The following PDGFC variants were observed in gnomAD, a reference collection of about 807,000 sequenced individuals.
The protein encoded by PDGFC is platelet-derived growth factor C.
In PDGFC, 12 loss-of-function variants were observed where a neutral mutation model predicts 35.5. The ratio of observed to expected loss-of-function variants is 0.34; its 90% CI spans 0.22 to 0.55. The LOEUF is 0.55. Among genes scored for constraint, PDGFC ranks in the 20% least tolerant of loss-of-function variants. The pLI, the probability that PDGFC is intolerant of heterozygous loss-of-function variation, is 0.91. For synonymous variants in PDGFC, 159 were observed against 148.8 expected (o/e 1.07, Z -0.50); for missense variants, 322 against 412.4 (o/e 0.78, Z 1.90).
chr4:156,797,143 C>G (rs1485713424), intron 3 of PDGFC, among the ~76,000 whole-genome samples: 1 of 150,798 alleles, frequency 6.6e-6, no homozygotes. Context: ...GAGGCTGAGG[C>G]AGGAGAATGG....
intron 3 of PDGFC, among the ~76,000 whole-genome samples, chr4:156,782,002 G>A (rs1730992870): frequency 6.6e-6 from 1 of 152,142 alleles, no homozygotes; most frequent in Non-Finnish European, 1.5e-5. Context: ...ACATGGAGTG[G>A]CATGACCTCA....
chr4:156,970,597 G>A (rs1159666018), intron 1 of PDGFC, among the ~76,000 whole-genome samples, 189 bp downstream of exon 1: 1 of 152,206 alleles, frequency 6.6e-6, no homozygotes, highest in East Asian at 1.9e-4. Context: ...GAGCTTTGTG[G>A]CAGCTCCCGA....
intron 3 of PDGFC, among the ~76,000 whole-genome samples, chr4:156,800,302 C>T (rs1353436257): frequency 6.6e-6 from 1 of 152,078 alleles, no homozygotes; most frequent in Non-Finnish European, 1.5e-5. Context: ...ATGAGCCTTT[C>T]AAAATTAACA....
rs201558373 is a variant in PDGFC at position 156,810,803 on chromosome 4, C to A, written c.495+34G>T. 3.9e-5 allele frequency: 52 copies of A among 1,316,956 alleles called. No individual in the cohort carries two copies. In the African/African-American group the frequency reaches 6.4e-4, roughly 16 times the overall value. 81.6% of individuals were successfully genotyped at this position (1,316,956 alleles called of 1,614,324 possible). A position where few individuals can be genotyped will look rare whatever the true frequency, so the allele number is the denominator to read the frequency against. ...AATAAAAAGAAACAAAAAGCTGATC[C>A]AATTAAATAAGGGGATCTGAAAGTG... On this transcript the variant is annotated intron_variant, in intron 3 of 5. Transcript: ENST00000502773.
chr4:156,940,355 GGTTATGAAAT>G (rs1731776702), intron 1 of PDGFC, among the ~76,000 whole-genome samples: 1 of 151,910 alleles, frequency 6.6e-6, no homozygotes, highest in African/African-American at 2.4e-5. Flanking sequence ...CCTAAATATA[GGTTATGAAAT>G]ATATATTCAA....
At chr4:156,861,947 A>G (rs1423220609) in intron 1 of PDGFC, among the ~76,000 whole-genome samples, 2 of 152,142 alleles carry the variant, frequency 1.3e-5, no homozygotes, top group Non-Finnish European at 1.5e-5. Flanking sequence ...TACATATTTA[A>G]AAGTTCCATA....
At chr4:156,932,295 G>T (rs937270161) in intron 1 of PDGFC, among the ~76,000 whole-genome samples, 53 of 152,196 alleles carry the variant, frequency 3.5e-4, no homozygotes, top group African/African-American at 1.3e-3. Context: ...CTCTGTTTGT[G>T]TTCAAAGAGT....
At chr4:156,765,088 C>T (rs886195535) in intron 5 of PDGFC, among the ~76,000 whole-genome samples, 2 of 152,148 alleles carry the variant, frequency 1.3e-5, no homozygotes, top group African/African-American at 4.8e-5. Flanking sequence ...TCTGCTGATG[C>T]TCATGGAGAT....
At chr4:156,788,466 CTT>C (rs769981892) in intron 3 of PDGFC, among the ~76,000 whole-genome samples, 3 of 152,150 alleles carry the variant, frequency 2.0e-5, no homozygotes, top group Non-Finnish European at 4.4e-5. Context: ...GTATCAGAAA[CTT>C]AGCAGGGCCA....
chr4:156,915,560 A>T (rs562566540), intron 1 of PDGFC, among the ~76,000 whole-genome samples: 7 of 152,308 alleles, frequency 4.6e-5, no homozygotes, highest in Middle Eastern at 3.4e-3. Flanking sequence ...TGGGAGGCCA[A>T]AACAGGCTGA....
In PDGFC at chr4:156,889,798, T is replaced by C. The variant is rs748194698; in HGVS notation, c.119-39382A>G. ...AATCTCCAACAGCAGCCAACTGGTT[T>C]CCTCCATGAATGGAATCTAGTGCAT... On this transcript the variant is annotated intron_variant, in intron 1 of 5. Coordinates refer to ENST00000502773, the MANE Select transcript of PDGFC (RefSeq NM_016205.3). Among the ~76,000 whole-genome samples, 5 of 152,212 alleles carry C rather than the reference T, an allele frequency of 3.3e-5. No individual in the cohort carries two copies. The East Asian group carries it at 7.7e-4, about 23-fold the overall frequency.
At chr4:156,789,437 G>A (rs1258728860) in intron 3 of PDGFC, among the ~76,000 whole-genome samples, 1 of 152,134 alleles carries the variant, frequency 6.6e-6, no homozygotes, top group East Asian at 1.9e-4. Flanking sequence ...TGTGTGTACG[G>A]GGGCATTCAA....
In PDGFC at chr4:156,902,288, T is replaced by C. The variant is rs543430220; in HGVS notation, c.119-51872A>G. On this transcript the variant is annotated intron_variant, in intron 1 of 5. Coordinates refer to ENST00000502773, the MANE Select transcript of PDGFC (RefSeq NM_016205.3). ...GAAAAGATTCTAATAAACACTGGTATCTACTACCCAGATTTAATGAGTCTT... is the reference window on the plus strand; with the variant it reads ...GAAAAGATTCTAATAAACACTGGTACCTACTACCCAGATTTAATGAGTCTT... Among the ~76,000 whole-genome samples the C allele has an allele frequency of 9.8e-5, 15 of 152,328 alleles. No homozygotes were observed. In the South Asian group the frequency reaches 3.1e-3, roughly 32 times the overall value.
chr4:156,922,094 T>C (rs1174559382), intron 1 of PDGFC, among the ~76,000 whole-genome samples: 2 of 152,088 alleles, frequency 1.3e-5, no homozygotes, highest in Non-Finnish European at 2.9e-5. Flanking sequence ...TTTATAAATA[T>C]ATTGTAAGGA....
chr4:156,961,246 T>C (rs1286670615), intron 1 of PDGFC, among the ~76,000 whole-genome samples: 3 of 152,048 alleles, frequency 2.0e-5, no homozygotes, highest in Non-Finnish European at 4.4e-5. Flanking sequence ...AAAAGATAAA[T>C]AATTATGACT....
chr4:156,871,857 A>AT (rs1729991775), intron 1 of PDGFC, among the ~76,000 whole-genome samples: 1 of 151,996 alleles, frequency 6.6e-6, no homozygotes, highest in African/African-American at 2.4e-5. Context: ...GCACACAGAA[A>AT]GATAAAAGTG....
At chr4:156,867,823 A>G in intron 1 of PDGFC, among the ~76,000 whole-genome samples, 1 of 152,228 alleles carries the variant, frequency 6.6e-6, no homozygotes, top group South Asian at 2.1e-4. Flanking sequence ...GAATTTATGT[A>G]AGTGTAAAAG....
intron 1 of PDGFC, among the ~76,000 whole-genome samples, chr4:156,910,690 T>A (rs2110803066): frequency 6.6e-6 from 1 of 152,302 alleles, no homozygotes; most frequent in Admixed American, 6.5e-5. Context: ...CTCCACATCC[T>A]CACCAGTATT....
At chr4:156,854,267 A>AGT (rs1294310037) in intron 1 of PDGFC, among the ~76,000 whole-genome samples, 1 of 152,184 alleles carries the variant, frequency 6.6e-6, no homozygotes, top group Non-Finnish European at 1.5e-5. Flanking sequence ...CAAATATAGC[A>AGT]GTGTGTGGCA....
Sources: allele counts gnomAD v4.1 joint callset (sites outside exome capture counted in the v4.1 genomes callset), GRCh38; gene constraint gnomAD v4.1.1; transcripts MANE v1.5; gene names NCBI Gene and HGNC (gene_info 2026-07-23, HGNC 2026-07-21).